The following PEX1 variants were observed in gnomAD, a reference collection of about 807,000 sequenced individuals.
PEX1 encodes the protein peroxisomal biogenesis factor 1.
A neutral mutation model predicts 152.5 loss-of-function variants in PEX1; 97 were observed. The observed-to-expected ratio is 0.64, with a 90% CI of 0.54 to 0.75. The LOEUF is 0.75. Ranked by LOEUF, PEX1 falls within the 30% of genes least tolerant of loss-of-function variation. PEX1 has a pLI of 0.00. For missense variants in PEX1, 1,357 were observed against 1,516.3 expected, an observed-to-expected ratio of 0.89 and a Z score of 1.74; for synonymous variants, 485 against 531.6, an observed-to-expected ratio of 0.91 and a Z score of 1.21.
chr7:92,502,893 C>A, intron 13 of PEX1, 148 bp downstream of exon 13: 1 of 716,712 alleles, frequency 1.4e-6, no homozygotes. Context: ...ATTTATGCCT[C>A]TAGCACAATA....
intron 16 of PEX1, among the ~76,000 whole-genome samples, chr7:92,498,658 G>A (rs915070183): frequency 2.6e-5 from 4 of 152,038 alleles, no homozygotes; most frequent in East Asian, 1.9e-4. Flanking sequence ...CTGGATCTGC[G>A]ACCACAATGA....
In PEX1 at chr7:92,517,402, C is replaced by T. The variant is rs1039797609; in HGVS notation, c.1113G>A (p.Arg371=). The change falls in exon 5 of 24, where the codon AGG becomes AGA. Residue 371 remains arginine (R), a synonymous_variant. Transcript: ENST00000248633. ...MSEPLDQKKI[R]SDHNEEDEKA... ...TCTCATCTTCTTCATTATGATCTGA[C>T]CTAATTTTTTTTTGATCTAGTGGCT... 2 of 1,613,732 alleles carry T rather than the reference C, an allele frequency of 1.2e-6. No homozygotes were observed. The highest frequency in any genetic ancestry group is 2.7e-5 in the African/African-American group (2 of 74,860).
chr7:92,502,035 C>T lies in PEX1; in HGVS notation c.2271G>A (p.Leu757=). The T allele has an allele frequency of 6.2e-7, 1 of 1,612,636 alleles. No individual in the cohort carries two copies. The highest frequency in any genetic ancestry group is 1.1e-5 in the South Asian group (1 of 90,962). ...EILCNVIKNK[L]DCDINKFTDL... ...CGGTGAACTTGTTTATATCACAGTC[C>T]AATTTATTTTTTATTACATTACACA... Residue 757 remains leucine, a synonymous_variant, in exon 14 of 24, where the codon TTG becomes TTA. Transcript: ENST00000248633.
chr7:92,509,759 C>T (rs1792366790), intron 8 of PEX1, among the ~76,000 whole-genome samples: 1 of 152,152 alleles, frequency 6.6e-6, no homozygotes, highest in African/African-American at 2.4e-5. Flanking sequence ...GAAACAATGT[C>T]TAGTTCCAAA....
intron 19 of PEX1, chr7:92,493,560 G>C (rs1437161477): frequency 6.4e-6 from 1 of 157,032 alleles, no homozygotes; most frequent in African/African-American, 2.4e-5. Context: ...GATTGCTTGA[G>C]CCTGGGCCAT....
intron 1 of PEX1, among the ~76,000 whole-genome samples, chr7:92,527,324 C>A (rs1793318589): frequency 6.6e-6 from 1 of 152,184 alleles, no homozygotes; most frequent in Admixed American, 6.5e-5. Context: ...ACTGAACCAA[C>A]TTCTACCTGG....
rs761705904 is a variant in PEX1, at chr7:92,493,005, T to A, written c.3155A>T (p.Tyr1052Phe). The A allele has an allele frequency of 2.5e-6, 4 of 1,613,906 alleles. No homozygotes were observed. Among genetic ancestry groups the A allele is most frequent in the Non-Finnish European group, 1.7e-6 (2 of 1,179,816 alleles). Residue 1052 changes from tyrosine to phenylalanine, a missense_variant, in exon 20 of 24, where the codon TAC becomes TTC. Tyr to Phe is a conservative substitution (Grantham distance 22, BLOSUM62 3). Coordinates refer to ENST00000248633, the MANE Select transcript of PEX1 (RefSeq NM_000466.3). ...FTGADLKALL[Y>F]NAQLEALHGM... Reference sequence around the variant, plus strand: ...ATGTAAGGCCTCCAATTGGGCATTGTAAAGTAAAGCTTTCAGATCAGCTCC... The same window carrying A: ...ATGTAAGGCCTCCAATTGGGCATTGAAAAGTAAAGCTTTCAGATCAGCTCC...
chr7:92,528,473 G>T lies in PEX1; in HGVS notation c.-38C>A, dbSNP rs1198020453. ...TCGCTCTGGGTTCGCCCACCCTAGC[G>T]CCGCAAAGGACCCGGGACCCGGCAG... On this transcript the variant is annotated 5_prime_UTR_variant, in exon 1 of 24. Coordinates refer to ENST00000248633, the MANE Select transcript of PEX1 (RefSeq NM_000466.3). The T allele has an allele frequency of 6.5e-7, 1 of 1,543,994 alleles. No individual in the cohort carries two copies. Among genetic ancestry groups the T allele is most frequent in the Non-Finnish European group, 8.7e-7 (1 of 1,146,322 alleles).
intron 6 of PEX1, among the ~76,000 whole-genome samples, 185 bp downstream of exon 6, chr7:92,513,663 A>C (rs1792585587): frequency 6.6e-6 from 1 of 152,148 alleles, no homozygotes; most frequent in Non-Finnish European, 1.5e-5. Flanking sequence ...AATGTAATTA[A>C]TGCCTTTGAA....
In PEX1 at chr7:92,528,449, C is replaced by G. The variant is rs1352471741; in HGVS notation, c.-14G>C. 2 of 1,574,958 alleles carry G rather than the reference C, an allele frequency of 1.3e-6. No individual in the cohort carries two copies. Among genetic ancestry groups the G allele is most frequent in the South Asian group, 1.2e-5 (1 of 86,752 alleles). On this transcript the variant is annotated 5_prime_UTR_variant, in exon 1 of 24. Coordinates refer to ENST00000248633, the MANE Select transcript of PEX1 (RefSeq NM_000466.3). Reference sequence around the variant, plus strand: ...GCTGCCCCACATCGTCCCGGAGCGTCGCTCTGGGTTCGCCCACCCTAGCGC... The same window carrying G: ...GCTGCCCCACATCGTCCCGGAGCGTGGCTCTGGGTTCGCCCACCCTAGCGC...
At position 92,487,384 on chromosome 7, in the gene PEX1, A is replaced by G; in HGVS notation, c.*73T>C. The G allele has an allele frequency of 1.3e-6, 1 of 789,582 alleles. No homozygotes were observed. Among genetic ancestry groups the G allele is most frequent in the Non-Finnish European group, 2.2e-6 (1 of 463,770 alleles). 48.9% of individuals were successfully genotyped at this position (789,582 alleles called of 1,614,324 possible). ...AATTAAGAAGAAATTCATAGACACC[A>G]TTTTTTTCCTGTTACAACATATGGA... On this transcript the variant is annotated 3_prime_UTR_variant, in exon 24 of 24. Transcript: ENST00000248633.
chr7:92,497,680 TATTC>T (rs1791718237), intron 16 of PEX1, among the ~76,000 whole-genome samples: 1 of 152,174 alleles, frequency 6.6e-6, no homozygotes, highest in Non-Finnish European at 1.5e-5. Flanking sequence ...GAATTTCTAA[TATTC>T]AACCACATAA....
chr7:92,493,942 G>A (rs564148399), intron 19 of PEX1: 7 of 276,446 alleles, frequency 2.5e-5, no homozygotes, highest in South Asian at 2.0e-4. Context: ...ACATGCTTAC[G>A]ATTCACATGC....
chr7:92,516,920 T>C (rs906473047), intron 5 of PEX1, among the ~76,000 whole-genome samples: 6 of 152,190 alleles, frequency 3.9e-5, no homozygotes, highest in African/African-American at 1.4e-4. Flanking sequence ...TCTGCAAGCA[T>C]TAAAGATGGG....
Position 92,492,942 on chromosome 7 carries a change from A to G in PEX1, c.3207+11T>C, listed in dbSNP as rs1791424937. ...CATAAAATGTCATAACAACTTCCTC[A>G]TATAACTTGCCTGGAGTCCACTCGA... is the stretch of plus-strand genomic sequence containing the variant. On this transcript the variant is annotated intron_variant, in intron 20 of 23. Transcript: ENST00000248633. 3 of 1,605,620 alleles carry G rather than the reference A, an allele frequency of 1.9e-6. No homozygotes were observed. Among genetic ancestry groups the G allele is most frequent in the Non-Finnish European group, 2.6e-6 (3 of 1,172,438 alleles).
intron 16 of PEX1, among the ~76,000 whole-genome samples, chr7:92,497,228 ACTG>A (rs1791696628): frequency 6.6e-6 from 1 of 152,184 alleles, no homozygotes; most frequent in African/African-American, 2.4e-5. Context: ...AGTTTTGTTC[ACTG>A]CTGAATCCCT....
At chr7:92,498,377 C>G (rs189650336) in intron 16 of PEX1, among the ~76,000 whole-genome samples, 2 of 151,700 alleles carry the variant, frequency 1.3e-5, no homozygotes, top group African/African-American at 4.8e-5. Context: ...CCCAGCTACT[C>G]GGGAGGCTGA....
intron 20 of PEX1, 34 bp from the exon 21 acceptor site, chr7:92,491,536 T>C: frequency 4.7e-6 from 6 of 1,286,910 alleles, no homozygotes; most frequent in Non-Finnish European, 6.8e-6. Flanking sequence ...AGTTTAAAGA[T>C]GTAAACAATT....
chr7:92,525,036 C>T (rs1040750853), intron 1 of PEX1, among the ~76,000 whole-genome samples: 3 of 152,154 alleles, frequency 2.0e-5, no homozygotes, highest in African/African-American at 7.2e-5. Flanking sequence ...AAAAATACTT[C>T]TAATTATTTA....
Sources: allele counts gnomAD v4.1 joint callset (sites outside exome capture counted in the v4.1 genomes callset), GRCh38; gene constraint gnomAD v4.1.1; transcripts MANE v1.5; gene names NCBI Gene and HGNC (gene_info 2026-07-23, HGNC 2026-07-21).